ACTG2: variants seen among roughly 807,000 people sequenced by gnomAD.
ACTG2 encodes actin, gamma-enteric smooth muscle.
Under a neutral mutation model 37.6 loss-of-function variants are expected in ACTG2, and 16 were observed. The observed-to-expected ratio is 0.43, with a 90% CI of 0.29 to 0.65. ACTG2 has a LOEUF of 0.65. Ranked by LOEUF, ACTG2 falls within the 30% of genes least tolerant of loss-of-function variation. ACTG2 has a pLI of 0.18. For synonymous variants in ACTG2, 181 were observed against 179.9 expected (o/e 1.01, Z -0.05); for missense variants, 238 against 490.9 (o/e 0.48, Z 4.87).
intron 6 of ACTG2, 122 bp from the exon 7 acceptor site, chr2:73,914,558 C>CAAAA (rs59417466): frequency 9.7e-6 from 5 of 516,070 alleles, no homozygotes; most frequent in South Asian, 1.1e-4. Flanking sequence ...GACTCTGTCT[C>CAAAA]AAAAAAAAAA....
intron 3 of ACTG2, among the ~76,000 whole-genome samples, chr2:73,907,365 A>G (rs1404711532): frequency 2.0e-5 from 3 of 152,178 alleles, no homozygotes; most frequent in Non-Finnish European, 4.4e-5. Flanking sequence ...TGAGGAAACC[A>G]AAGCCCCATG....
intron 1 of ACTG2, 136 bp from the exon 2 acceptor site, chr2:73,901,140 G>A: frequency 1.6e-6 from 1 of 637,120 alleles, no homozygotes; most frequent in Non-Finnish European, 2.4e-6. Context: ...GCCAGTGAGT[G>A]GGAGGCCAAG....
At chr2:73,907,594 G>T (rs1023087696) in intron 3 of ACTG2, among the ~76,000 whole-genome samples, 3 of 152,144 alleles carry the variant, frequency 2.0e-5, no homozygotes, top group African/African-American at 7.2e-5. Flanking sequence ...CGATCCTCCT[G>T]CCCCAGCCTC....
At chr2:73,894,482 T>G (rs555498666) in intron 1 of ACTG2, among the ~76,000 whole-genome samples, 1 of 152,192 alleles carries the variant, frequency 6.6e-6, no homozygotes, top group Non-Finnish European at 1.5e-5. Flanking sequence ...CTTTCCTCTT[T>G]CCCCTTGTTC....
At chr2:73,901,710 C>G (rs552958659) in intron 2 of ACTG2, 79 of 463,584 alleles carry the variant, frequency 1.7e-4, no homozygotes, top group Non-Finnish European at 2.6e-4. Flanking sequence ...CCAAAACCAA[C>G]ATACATCAGG....
chr2:73,901,515 G>A (rs1447697322), intron 2 of ACTG2, 78 bp downstream of exon 2: 4 of 1,410,680 alleles, frequency 2.8e-6, no homozygotes, highest in Non-Finnish European at 3.7e-6. Flanking sequence ...TGCTGAGCTG[G>A]GGGTTAGGGG....
At chr2:73,919,278 G>A (rs554057286) in intron 8 of ACTG2, among the ~76,000 whole-genome samples, 154 bp from the exon 9 acceptor site, 34 of 152,370 alleles carry the variant, frequency 2.2e-4, no homozygotes, top group African/African-American at 7.5e-4. Flanking sequence ...GAGGGGGGAA[G>A]TGAAGGTTTT....
At chr2:73,902,652 G>A in intron 3 of ACTG2, 164 bp downstream of exon 3, 1 of 1,552,014 alleles carries the variant, frequency 6.4e-7, no homozygotes. Flanking sequence ...AACCTAGGCT[G>A]CCAACATCTC....
At chr2:73,911,407 G>A (rs1680137260) in intron 5 of ACTG2, among the ~76,000 whole-genome samples, 1 of 151,988 alleles carries the variant, frequency 6.6e-6, no homozygotes, top group South Asian at 2.1e-4. Flanking sequence ...TGAAGCTGGA[G>A]AATTGCTGGA....
rs146815234 is a variant in ACTG2 at position 73,895,292 on chromosome 2, G to A, written c.-37+2241G>A. 3.8e-4 allele frequency among the ~76,000 whole-genome samples: 58 copies of A among 152,260 alleles called. 1 individual carries two copies. The East Asian group carries it at 8.1e-3, about 21-fold the overall frequency. On this transcript the variant is annotated intron_variant, in intron 1 of 8. Coordinates refer to ENST00000345517, the MANE Select transcript of ACTG2 (RefSeq NM_001615.4). ...GAGCCAGGGGAGTGAATGGAAGTCC[G>A]GGTAAGAGCCAGAAGATAAGGCACC... is the stretch of plus-strand genomic sequence containing the variant.
In ACTG2 at chr2:73,913,625, G is replaced by A; in HGVS notation, c.592G>A (p.Gly198Ser). The change falls in exon 6 of 9, where the codon GGC (glycine) becomes AGC (serine). Residue 198 changes from glycine (G) to serine (S), a missense_variant. Physicochemically the swap from Gly to Ser is moderately conservative, Grantham distance 56. Coordinates refer to ENST00000345517, the MANE Select transcript of ACTG2 (RefSeq NM_001615.4). Reference protein sequence around the residue: ...DYLMKILTERGYSFVTTAERE... With the variant: ...DYLMKILTERSYSFVTTAERE... ...CCTCATGAAGATCCTCACAGAGAGA[G>A]GCTATTCCTTTGTGACCACAGGTAT... The A allele has an allele frequency of 6.2e-7, 1 of 1,612,880 alleles. No individual in the cohort carries two copies. The highest frequency in any genetic ancestry group is 2.2e-5 in the East Asian group (1 of 44,852).
intron 2 of ACTG2, 109 bp downstream of exon 2, chr2:73,901,546 GT>G: frequency 1.2e-5 from 1 of 83,246 alleles, no homozygotes; most frequent in Non-Finnish European, 2.0e-5. Context: ...GTGTGTGTGT[GT>G]GTGTGTGTGT....
chr2:73,909,610 C>T (rs182566449), intron 5 of ACTG2, among the ~76,000 whole-genome samples: 1 of 152,242 alleles, frequency 6.6e-6, no homozygotes, highest in East Asian at 1.9e-4. Flanking sequence ...ATGGCGTGGC[C>T]TATTGCTTCC....
intron 3 of ACTG2, among the ~76,000 whole-genome samples, chr2:73,904,777 G>GTGTGTA (rs1427483105): frequency 2.6e-4 from 11 of 42,632 alleles, no homozygotes; most frequent in Non-Finnish European, 5.2e-4. Context: ...GTGTGTGTGT[G>GTGTGTA]TATATATATA....
intron 5 of ACTG2, among the ~76,000 whole-genome samples, chr2:73,909,571 C>T (rs831555): frequency 0.64 from 96,991 of 152,014 alleles, 31,319 homozygotes; most frequent in Admixed American, 0.73. Flanking sequence ...CAAACCTAGA[C>T]GCTGTAGCCT....
intron 2 of ACTG2, among the ~76,000 whole-genome samples, chr2:73,901,987 C>T (rs1296414433): frequency 6.7e-6 from 1 of 149,684 alleles, no homozygotes; most frequent in Non-Finnish European, 1.5e-5. Flanking sequence ...TCTAAGCAGG[C>T]ACAGGGGACT....
At chr2:73,904,777 G>GTGTATA (rs1427483105) in intron 3 of ACTG2, among the ~76,000 whole-genome samples, 73 of 42,614 alleles carry the variant, frequency 1.7e-3, no homozygotes, top group Non-Finnish European at 2.6e-3. Flanking sequence ...GTGTGTGTGT[G>GTGTATA]TATATATATA....
chr2:73,916,016 A>G (rs1202514014), intron 7 of ACTG2, among the ~76,000 whole-genome samples: 1 of 152,216 alleles, frequency 6.6e-6, no homozygotes, highest in Non-Finnish European at 1.5e-5. Context: ...ATTATATCTC[A>G]AAAAGTTATG....
Position 73,908,901 on chromosome 2 carries a change from G to C in ACTG2, c.366+118G>C. 2.5e-6 allele frequency: 3 copies of C among 1,203,520 alleles called. 1 individual carries two copies. The South Asian group carries it at 3.9e-5, about 16-fold the overall frequency. The allele number at this position is 1,203,520 out of a possible 1,614,324, so 74.6% of individuals were successfully genotyped here. On this transcript the variant is annotated intron_variant, in intron 4 of 8. Coordinates refer to ENST00000345517, the MANE Select transcript of ACTG2 (RefSeq NM_001615.4). ...AACTCTCTGAGGACCTGCTATGTCTGTGGTCCATGCCAGGCCCTGGGGGAG... is the reference window on the plus strand; with the variant it reads ...AACTCTCTGAGGACCTGCTATGTCTCTGGTCCATGCCAGGCCCTGGGGGAG...
Sources: gnomAD v4.1 joint callset for allele counts (sites outside exome capture counted in the v4.1 genomes callset) on GRCh38, gnomAD v4.1.1 for gene constraint, MANE v1.5 for transcripts, NCBI Gene and HGNC (gene_info 2026-07-23, HGNC 2026-07-21) for gene names.